The following NSD1 variants were observed in gnomAD, a reference collection of about 807,000 sequenced individuals.
The protein encoded by NSD1 is histone-lysine N-methyltransferase, H3 lysine-36 specific.
In NSD1, 26 loss-of-function variants were observed where a neutral mutation model predicts 242.7. The observed-to-expected ratio is 0.11, with a 90% CI of 0.08 to 0.15. The LOEUF (loss-of-function observed/expected upper bound fraction) is 0.15, where lower values mean the gene tolerates loss of function less well. Ranked by LOEUF, NSD1 falls within the 10% of genes least tolerant of loss-of-function variation. The pLI is 1.00. For synonymous variants in NSD1, 1,106 were observed against 1,178.1 expected (o/e 0.94, Z 1.25); for missense variants, 2,495 against 3,272.8 (o/e 0.76, Z 5.80).
At chr5:177,266,583 C>T (rs993704550) in intron 14 of NSD1, 1 of 681,236 alleles carries the variant, frequency 1.5e-6, no homozygotes, top group Non-Finnish European at 2.2e-6. Flanking sequence ...CCTCGGCGGC[C>T]GCCATCTTCA....
chr5:177,293,532 CCG>C (rs1760015023), intron 22 of NSD1, among the ~76,000 whole-genome samples: 1 of 132,856 alleles, frequency 7.5e-6, no homozygotes, highest in Non-Finnish European at 1.7e-5. Flanking sequence ...GTCCCCACCC[CCG>C]CCCCCCCCTC....
At chr5:177,192,659 G>T (rs1216824672) in intron 3 of NSD1, among the ~76,000 whole-genome samples, 1 of 152,170 alleles carries the variant, frequency 6.6e-6, no homozygotes, top group Admixed American at 6.6e-5. Flanking sequence ...GCCTCCCAAA[G>T]TGCTGAGATT....
chr5:177,133,997 G>A lies in NSD1; in HGVS notation c.-18+45G>A. 1 of 157,928 alleles carries A rather than the reference G, an allele frequency of 6.3e-6. No individual in the cohort carries two copies. Among genetic ancestry groups the A allele is most frequent in the East Asian group, 1.9e-4 (1 of 5,246 alleles). 9.8% of individuals were successfully genotyped at this position (157,928 alleles called of 1,614,324 possible). A position where few individuals can be genotyped will look rare whatever the true frequency, so the allele number is the denominator to read the frequency against. Reference sequence around the variant, plus strand: ...GGGCGGCGGGCAGGCGCGAGGAGAAGGGAGGGAGGAGGGTGGCCGGGCGGG... The same window carrying A: ...GGGCGGCGGGCAGGCGCGAGGAGAAAGGAGGGAGGAGGGTGGCCGGGCGGG... On this transcript the variant is annotated intron_variant, in intron 1 of 22. Coordinates refer to ENST00000439151, the MANE Select transcript of NSD1 (RefSeq NM_022455.5). The surrounding 1 kb of genome is among the most constrained non-coding windows in gnomAD (Gnocchi z 6.2).
rs932467482 is a variant in NSD1 at position 177,173,534 on chromosome 5, C to T, written c.928-18350C>T. Among the ~76,000 whole-genome samples, 5 of 129,806 alleles carry T rather than the reference C, an allele frequency of 3.9e-5. No individual in the cohort carries two copies. In the South Asian group the frequency reaches 1.3e-3, roughly 33 times the overall value. The allele number at this position is 129,806 out of a possible 152,430, so 85.2% of individuals were successfully genotyped here. A position where few individuals can be genotyped will look rare whatever the true frequency, so the allele number is the denominator to read the frequency against. On this transcript the variant is annotated intron_variant, in intron 2 of 22. Coordinates refer to ENST00000439151, the MANE Select transcript of NSD1 (RefSeq NM_022455.5). ...TGTTGCCGAGGCTGGAGTGCAATGG[C>T]ACGATCTCGGCTCACCGCAACCTCT... is the stretch of plus-strand genomic sequence containing the variant.
intron 16 of NSD1, among the ~76,000 whole-genome samples, chr5:177,272,319 C>G (rs1019509106): frequency 6.6e-6 from 1 of 151,880 alleles, no homozygotes; most frequent in African/African-American, 2.4e-5. Flanking sequence ...GATGATTCTC[C>G]TGGAAAGAAC....
intron 5 of NSD1, chr5:177,221,133 AC>A (rs1282704040): frequency 4.7e-6 from 2 of 427,272 alleles, no homozygotes; most frequent in Admixed American, 2.5e-5. Context: ...TTGGCCTCCC[AC>A]AGTGCAGGGA....
chr5:177,260,972 C>G (rs576028987), intron 14 of NSD1, among the ~76,000 whole-genome samples: 1 of 152,018 alleles, frequency 6.6e-6, no homozygotes, highest in Admixed American at 6.6e-5. Context: ...ATGGAAAAAG[C>G]GAAGGGATTT....
chr5:177,199,890 C>T (rs112155387), intron 3 of NSD1, among the ~76,000 whole-genome samples: 13,648 of 151,888 alleles, frequency 0.09, 2,020 homozygotes, highest in African/African-American at 0.31. Flanking sequence ...CCACCACGCC[C>T]GGCCTCAACT....
At chr5:177,149,865 G>T (rs980602905) in intron 2 of NSD1, among the ~76,000 whole-genome samples, 1 of 152,108 alleles carries the variant, frequency 6.6e-6, no homozygotes, top group Non-Finnish European at 1.5e-5. Flanking sequence ...CCATTCTGTG[G>T]CCTGGGCGTT....
intron 3 of NSD1, among the ~76,000 whole-genome samples, chr5:177,202,159 A>G (rs76261182): frequency 1.4e-5 from 2 of 138,078 alleles, no homozygotes; most frequent in East Asian, 4.5e-4. Context: ...CAAGAGTGAA[A>G]CTCCGTCTCA....
At chr5:177,154,032 T>G in intron 2 of NSD1, among the ~76,000 whole-genome samples, 1 of 152,040 alleles carries the variant, frequency 6.6e-6, no homozygotes, top group African/African-American at 2.4e-5. Flanking sequence ...GAATTTACAG[T>G]CAAGATGTCT....
rs1757440386 is a variant in NSD1, at chr5:177,266,219, A to AT, written c.5147-1342dup. The AT allele has an allele frequency of 3.4e-6, 3 of 888,830 alleles. No individual in the cohort carries two copies. In the Admixed American group the frequency reaches 5.2e-5, roughly 15 times the overall value. The allele number at this position is 888,830 out of a possible 1,614,324, so 55.1% of individuals were successfully genotyped here. On this transcript the variant is annotated intron_variant, in intron 14 of 22. Transcript: ENST00000439151. ...TTAGCCCATCCACTTGCTGATGATG[A>AT]TGTTCACCTTTTCCACCGGGAGCTC...
chr5:177,290,886 T>A (rs2127274469), intron 21 of NSD1, among the ~76,000 whole-genome samples: 1 of 152,358 alleles, frequency 6.6e-6, no homozygotes. Flanking sequence ...TAACCTGTAC[T>A]TAATGGTATT....
intron 12 of NSD1, among the ~76,000 whole-genome samples, chr5:177,254,648 C>G (rs1028730364): frequency 6.6e-6 from 1 of 152,080 alleles, no homozygotes; most frequent in African/African-American, 2.4e-5. Flanking sequence ...GATCCACCTG[C>G]TTTGGCCTCC....
chr5:177,137,285 A>G (rs1756417491), intron 2 of NSD1: 1 of 180,940 alleles, frequency 5.5e-6, no homozygotes, highest in Non-Finnish European at 1.1e-5. Flanking sequence ...CACCGCCGGT[A>G]ATGTTAGCAA....
Position 177,251,828 on chromosome 5 carries a change from A to G in NSD1, c.4740A>G (p.Lys1580=). The G allele has an allele frequency of 5.0e-6, 8 of 1,614,144 alleles. No homozygotes were observed. Among genetic ancestry groups the G allele is most frequent in the Non-Finnish European group, 5.9e-6 (7 of 1,180,014 alleles). ...CLGLTEMPRG[K]FICNECRTGI... ...GATTGACTGAGATGCCAAGAGGAAA[A>G]TTTATCTGCAATGAATGTCGCACAG... The change falls in exon 12 of 23, where the codon AAA becomes AAG. Residue 1580 remains lysine (K), a synonymous_variant. Coordinates refer to ENST00000439151, the MANE Select transcript of NSD1 (RefSeq NM_022455.5).
chr5:177,300,060 C>A lies in NSD1; in HGVS notation c.*4601C>A, dbSNP rs886060463. On this transcript the variant is annotated 3_prime_UTR_variant, in exon 23 of 23. Coordinates refer to ENST00000439151, the MANE Select transcript of NSD1 (RefSeq NM_022455.5). ...TCCATCATTGCTTTTTTGCCGCGCC[C>A]CCCCCCCCCCGCCCCCATAGATTGT... 5.8e-5 allele frequency: 8 copies of A among 137,712 alleles called. No individual in the cohort carries two copies. The East Asian group carries it at 6.8e-4, about 12-fold the overall frequency. The allele number at this position is 137,712 out of a possible 1,614,324, so 8.5% of individuals were successfully genotyped here. A position where few individuals can be genotyped will look rare whatever the true frequency, so the allele number is the denominator to read the frequency against.
At chr5:177,279,610 ATTTTTTTTTTT>A (rs536478404) in intron 17 of NSD1, among the ~76,000 whole-genome samples, 5 of 95,432 alleles carry the variant, frequency 5.2e-5, no homozygotes, top group East Asian at 3.4e-4. Flanking sequence ...AGCTTTGAAA[ATTTTTTTTTTT>A]TTTTTTTTTT....
chr5:177,172,024 G>A (rs1259040270), intron 2 of NSD1, among the ~76,000 whole-genome samples: 4 of 152,292 alleles, frequency 2.6e-5, no homozygotes, highest in Middle Eastern at 3.4e-3. Context: ...GAGGAAGTCC[G>A]CCCCTTCCTT....
Sources: gnomAD v4.1 joint callset for allele counts (sites outside exome capture counted in the v4.1 genomes callset) on GRCh38, gnomAD v4.1.1 for gene constraint, Gnocchi (gnomAD v3.1) non-coding constraint, MANE v1.5 for transcripts, NCBI Gene and HGNC (gene_info 2026-07-23, HGNC 2026-07-21) for gene names.